Variants in PARD3 observed in about 807,000 individuals in gnomAD.
PARD3 encodes par-3 family cell polarity regulator.
PARD3 carries 75 observed loss-of-function variants against 155.4 expected under a neutral mutation model. That is an observed-to-expected ratio of 0.48 (90% confidence interval 0.40 to 0.58). PARD3 has a LOEUF of 0.58. PARD3 is among the 20% of genes least tolerant of loss of function. The pLI, the probability that PARD3 is intolerant of heterozygous loss-of-function variation, is 0.00. For missense variants in PARD3, 1,642 were observed against 1,721.7 expected (o/e 0.95, Z 0.82); for synonymous variants, 576 against 610.5 (o/e 0.94, Z 0.83).
At chr10:34,646,057 TCACAAAATAGCATTCTTCACA>T (rs2092828517) in intron 2 of PARD3, among the ~76,000 whole-genome samples, 2 of 152,162 alleles carry the variant, frequency 1.3e-5, no homozygotes, top group Admixed American at 1.3e-4. Context: ...GCAGGAACAG[TCACAAAATAGCATTCTTCACA>T]AAACAGGCAA....
intron 2 of PARD3, among the ~76,000 whole-genome samples, chr10:34,660,635 G>A (rs1237566950): frequency 2.6e-5 from 4 of 151,946 alleles, no homozygotes; most frequent in Non-Finnish European, 5.9e-5. Flanking sequence ...TCTGTCATCC[G>A]CTCACTGACC....
intron 22 of PARD3, among the ~76,000 whole-genome samples, chr10:34,192,166 C>T (rs1403505783): frequency 1.3e-5 from 2 of 151,976 alleles, no homozygotes; most frequent in Non-Finnish European, 2.9e-5. Context: ...CTCCTGGGCT[C>T]AAGTGATCCT....
intron 9 of PARD3, among the ~76,000 whole-genome samples, chr10:34,381,264 A>G (rs980710354): frequency 1.3e-5 from 2 of 152,358 alleles, no homozygotes; most frequent in Admixed American, 6.5e-5. Context: ...CAACAGCCAC[A>G]TGACCTGAGG....
chr10:34,798,051 A>T (rs143243313), intron 1 of PARD3, among the ~76,000 whole-genome samples: 1 of 152,136 alleles, frequency 6.6e-6, no homozygotes, highest in African/African-American at 2.4e-5. Context: ...TGGATATGGT[A>T]GCTCACCCCT....
chr10:34,277,132 A>G (rs1373429355), intron 21 of PARD3, among the ~76,000 whole-genome samples: 4 of 152,200 alleles, frequency 2.6e-5, no homozygotes, highest in Non-Finnish European at 5.9e-5. Context: ...TTTTTCCAAC[A>G]GTATTTCTTC....
chr10:34,311,048 G>T (rs1957672487), intron 20 of PARD3, among the ~76,000 whole-genome samples: 1 of 152,130 alleles, frequency 6.6e-6, no homozygotes, highest in African/African-American at 2.4e-5. Flanking sequence ...TAATCCCCAT[G>T]GCAATTAGGT....
At chr10:34,811,987 T>G (rs1360344200) in intron 1 of PARD3, among the ~76,000 whole-genome samples, 1 of 152,180 alleles carries the variant, frequency 6.6e-6, no homozygotes, top group Non-Finnish European at 1.5e-5. Flanking sequence ...CAACCATCAG[T>G]GATCACAACC....
chr10:34,411,630 T>C (rs971161449), intron 5 of PARD3, among the ~76,000 whole-genome samples: 1 of 152,106 alleles, frequency 6.6e-6, no homozygotes, highest in South Asian at 2.1e-4. Flanking sequence ...GGGGTCCTGC[T>C]TGGTGACTGC....
rs554465026 is a variant in PARD3 at position 34,723,935 on chromosome 10, G to A, written c.121-27516C>T. 6.6e-5 allele frequency among the ~76,000 whole-genome samples: 10 copies of A among 151,714 alleles called. No individual in the cohort carries two copies. In the East Asian group the frequency reaches 1.2e-3, roughly 18 times the overall value. ...CTTTCACTTTCCAGTTTGAGTTCTC[G>A]TCTACACTTCACTGGTGGATCTGTT... On this transcript the variant is annotated intron_variant, in intron 1 of 24. Coordinates refer to ENST00000374788, the MANE Select transcript of PARD3 (RefSeq NM_001184785.2).
intron 16 of PARD3, among the ~76,000 whole-genome samples, 178 bp downstream of exon 16, chr10:34,341,449 A>G (rs1004118295): frequency 2.6e-5 from 4 of 152,228 alleles, no homozygotes; most frequent in African/African-American, 9.6e-5. Context: ...TTGAAGGCTA[A>G]AACAATTAAA....
intron 22 of PARD3, among the ~76,000 whole-genome samples, chr10:34,228,742 T>C (rs1952756857): frequency 6.6e-6 from 1 of 152,084 alleles, no homozygotes; most frequent in Non-Finnish European, 1.5e-5. Flanking sequence ...AGCTGAATCG[T>C]GTTCAACAAA....
chr10:34,377,027 C>T (rs1054054625), intron 10 of PARD3, among the ~76,000 whole-genome samples: 3 of 152,108 alleles, frequency 2.0e-5, no homozygotes, highest in Non-Finnish European at 4.4e-5. Flanking sequence ...TACCAATGAA[C>T]CCAAACTCAT....
At chr10:34,323,329 A>G (rs1040521636) in intron 19 of PARD3, among the ~76,000 whole-genome samples, 1 of 152,186 alleles carries the variant, frequency 6.6e-6, no homozygotes, top group African/African-American at 2.4e-5. Flanking sequence ...TTTTCCTGAA[A>G]ACCAAAAAAA....
At chr10:34,165,989 C>T (rs1246117957) in intron 22 of PARD3, among the ~76,000 whole-genome samples, 1 of 152,182 alleles carries the variant, frequency 6.6e-6, no homozygotes. Flanking sequence ...TTTCTATTAT[C>T]CCTTTATCGG....
chr10:34,454,664 C>T (rs2077239415), intron 4 of PARD3, among the ~76,000 whole-genome samples: 1 of 152,068 alleles, frequency 6.6e-6, no homozygotes. Context: ...TAAATTATAA[C>T]TTTAATCCTC....
At chr10:34,428,038 A>G (rs908218344) in intron 5 of PARD3, among the ~76,000 whole-genome samples, 3 of 152,154 alleles carry the variant, frequency 2.0e-5, no homozygotes, top group Non-Finnish European at 4.4e-5. Context: ...TTGCAAGGTG[A>G]GCAACTCCCA....
intron 14 of PARD3, among the ~76,000 whole-genome samples, chr10:34,353,505 G>T (rs957499524): frequency 3.3e-5 from 5 of 152,102 alleles, no homozygotes; most frequent in Non-Finnish European, 5.9e-5. Context: ...GTTAAACAGA[G>T]GCTTGAAGGC....
chr10:34,297,070 C>G (rs1166829612), intron 20 of PARD3, among the ~76,000 whole-genome samples: 1 of 152,186 alleles, frequency 6.6e-6, no homozygotes, highest in African/African-American at 2.4e-5. Context: ...ACTGGAATTC[C>G]AGCACTTAGG....
intron 1 of PARD3, 25 bp downstream of exon 1, chr10:34,814,840 GCCGCCCCCTCC>G: frequency 1.5e-6 from 1 of 658,606 alleles, no homozygotes; most frequent in Non-Finnish European, 2.4e-6. Context: ...CGTCCCCGCC[GCCGCCCCCTCC>G]CCGCCCGCGC....
Sources: allele counts gnomAD v4.1 joint callset (sites outside exome capture counted in the v4.1 genomes callset), GRCh38; gene constraint gnomAD v4.1.1; transcripts MANE v1.5; gene names NCBI Gene and HGNC (gene_info 2026-07-23, HGNC 2026-07-21).